Variants in PAQR5 observed in about 807,000 individuals in gnomAD.
PAQR5 encodes the protein progestin and adipoQ receptor family member 5, also known as membrane progestin receptor gamma.
Under a neutral mutation model 34.5 loss-of-function variants are expected in PAQR5, and 20 were observed. The observed-to-expected ratio is 0.58, with a 90% CI of 0.41 to 0.84. PAQR5 has a LOEUF of 0.84. PAQR5 is among the 40% of genes least tolerant of loss of function. The probability of loss-of-function intolerance (pLI) is 0.00; values close to 1 mark genes in which losing one functional copy is unlikely to be tolerated. For missense variants in PAQR5, 378 were observed against 412.7 expected, an observed-to-expected ratio of 0.92 and a Z score of 0.73; for synonymous variants, 131 against 155.6, an observed-to-expected ratio of 0.84 and a Z score of 1.18.
intron 2 of PAQR5, among the ~76,000 whole-genome samples, chr15:69,347,882 A>G (rs1038381026): frequency 6.6e-6 from 1 of 152,194 alleles, no homozygotes; most frequent in Non-Finnish European, 1.5e-5. Flanking sequence ...TCACTTCTAA[A>G]TACCATAACA....
At chr15:69,398,249 A>G (rs183210054) in intron 7 of PAQR5, among the ~76,000 whole-genome samples, 3 of 152,304 alleles carry the variant, frequency 2.0e-5, no homozygotes, top group Admixed American at 2.0e-4. Context: ...GATGGGAAAG[A>G]GATGGAGAGC....
intron 2 of PAQR5, among the ~76,000 whole-genome samples, chr15:69,351,803 T>A (rs2054927080): frequency 6.6e-6 from 1 of 152,134 alleles, no homozygotes; most frequent in South Asian, 2.1e-4. Context: ...AGGGATCCAG[T>A]GGTGTGGGTG....
intron 1 of PAQR5, among the ~76,000 whole-genome samples, chr15:69,305,844 A>T (rs2053703982): frequency 6.6e-6 from 1 of 152,068 alleles, no homozygotes; most frequent in African/African-American, 2.4e-5. Context: ...CCCCCTTCTG[A>T]CCTTGTCGCT....
At chr15:69,374,929 T>C (rs906297697) in intron 3 of PAQR5, among the ~76,000 whole-genome samples, 2 of 152,120 alleles carry the variant, frequency 1.3e-5, no homozygotes, top group Non-Finnish European at 2.9e-5. Context: ...CCAGAGGCAG[T>C]TGCAGCATCA....
intron 2 of PAQR5, 121 bp downstream of exon 2, chr15:69,337,622 A>G (rs375455265): frequency 2.0e-5 from 3 of 152,282 alleles, no homozygotes; most frequent in Non-Finnish European, 4.4e-5. Flanking sequence ...GGCTGGGCTC[A>G]GCTTTTAAAA....
intron 2 of PAQR5, among the ~76,000 whole-genome samples, chr15:69,339,878 T>A (rs895411365): frequency 2.0e-5 from 3 of 152,168 alleles, no homozygotes; most frequent in Non-Finnish European, 4.4e-5. Context: ...AACACCTTTT[T>A]TTTGGGGGAC....
At chr15:69,378,342 G>T (rs1212950677) in intron 3 of PAQR5, among the ~76,000 whole-genome samples, 1 of 146,968 alleles carries the variant, frequency 6.8e-6, no homozygotes, top group African/African-American at 2.5e-5. Flanking sequence ...GGTGGCTGAG[G>T]TGGGAGGATC....
chr15:69,363,292 T>C (rs2055289630), intron 3 of PAQR5, among the ~76,000 whole-genome samples: 1 of 152,142 alleles, frequency 6.6e-6, no homozygotes, highest in South Asian at 2.1e-4. Flanking sequence ...AAGGCAGAAT[T>C]TGTGTGTATG....
intron 1 of PAQR5, among the ~76,000 whole-genome samples, chr15:69,328,553 C>A (rs991913536): frequency 1.3e-5 from 2 of 152,234 alleles, no homozygotes; most frequent in Admixed American, 6.5e-5. Flanking sequence ...AGGGAAGTGG[C>A]CAGCTAGAGG....
chr15:69,300,858 T>G (rs1479944321), intron 1 of PAQR5, among the ~76,000 whole-genome samples: 1,004 of 17,370 alleles, frequency 0.058, 294 homozygotes, highest in African/African-American at 0.14. Context: ...TCTTTCTTTC[T>G]TTCTTTCTTT....
At chr15:69,397,276 T>C (rs765726924) in intron 6 of PAQR5, 192 bp from the exon 7 acceptor site, 62 of 697,086 alleles carry the variant, frequency 8.9e-5, no homozygotes, top group South Asian at 3.0e-5. Context: ...TTTTTGCATC[T>C]GAAGTTTTGT....
In PAQR5 at chr15:69,306,341, C is replaced by CTT. The variant is rs34784689; in HGVS notation, c.-277+7294_-277+7295dup. ...CAGTAAAACATACAAAACATTTAAC[C>CTT]TTTTTTTTTTACCATTTAACCTTTA... On this transcript the variant is annotated intron_variant, in intron 1 of 8. Coordinates refer to ENST00000395407, the MANE Select transcript of PAQR5 (RefSeq NM_017705.4). Among the ~76,000 whole-genome samples, 1,320 of 146,516 alleles carry CTT rather than the reference C, an allele frequency of 9.0e-3. 21 individuals carry two copies. The highest frequency in any genetic ancestry group is 0.036 in the Middle Eastern group (10 of 280).
intron 2 of PAQR5, among the ~76,000 whole-genome samples, chr15:69,358,559 G>A (rs1504629): frequency 0.24 from 35,984 of 150,344 alleles, 5,168 homozygotes; most frequent in South Asian, 0.37. Context: ...AAGTTATTCC[G>A]CCCCTCCCAC....
At chr15:69,358,432 A>T (rs1240403470) in intron 2 of PAQR5, among the ~76,000 whole-genome samples, 1 of 151,706 alleles carries the variant, frequency 6.6e-6, no homozygotes, top group Non-Finnish European at 1.5e-5. Flanking sequence ...GCAGCTCCTG[A>T]CCCTCTTCCA....
At chr15:69,318,091 A>G (rs1265769362) in intron 1 of PAQR5, among the ~76,000 whole-genome samples, 4 of 152,208 alleles carry the variant, frequency 2.6e-5, no homozygotes, top group South Asian at 2.1e-4. Context: ...TTTCGTTGCG[A>G]GGACTCAGCA....
intron 3 of PAQR5, among the ~76,000 whole-genome samples, chr15:69,361,032 G>A (rs12913802): frequency 0.95 from 144,160 of 152,274 alleles, 68,751 homozygotes; most frequent in East Asian, 1. Context: ...GGGGAAAACC[G>A]TAAGTGGTGC....
At chr15:69,338,413 T>G (rs568941081) in intron 2 of PAQR5, among the ~76,000 whole-genome samples, 69 of 152,342 alleles carry the variant, frequency 4.5e-4, no homozygotes, top group Non-Finnish European at 8.5e-4. Context: ...GAACTCGTAA[T>G]GTACCTTATA....
rs150129883 is a variant in PAQR5 at position 69,350,024 on chromosome 15, C to T, written c.-115-9942C>T. On this transcript the variant is annotated intron_variant, in intron 2 of 8. Coordinates refer to ENST00000395407, the MANE Select transcript of PAQR5 (RefSeq NM_017705.4). ...GAGTGGATTTTTCACTTAAGACTTA[C>T]TCATCCTAAAGAGCTCTGATTGCTC... Among the ~76,000 whole-genome samples, 311 of 152,278 alleles carry T rather than the reference C, an allele frequency of 2.0e-3. 1 individual carries two copies. Among genetic ancestry groups the T allele is most frequent in the African/African-American group, 7.2e-3 (300 of 41,550 alleles).
chr15:69,354,713 TAA>T (rs1453447590), intron 2 of PAQR5, among the ~76,000 whole-genome samples: 3 of 152,184 alleles, frequency 2.0e-5, no homozygotes, highest in Non-Finnish European at 4.4e-5. Context: ...AGAGAACTGC[TAA>T]GCGTGATTTC....
Sources: allele counts gnomAD v4.1 joint callset (sites outside exome capture counted in the v4.1 genomes callset), GRCh38; gene constraint gnomAD v4.1.1; transcripts MANE v1.5; gene names NCBI Gene and HGNC (gene_info 2026-07-23, HGNC 2026-07-21).